The following ATP6V0A4 variants were observed in gnomAD, a reference collection of about 807,000 sequenced individuals.
ATP6V0A4 encodes the protein V-type proton ATPase 116 kDa subunit a 4.
Under a neutral mutation model 107.3 loss-of-function variants are expected in ATP6V0A4, and 86 were observed. The observed-to-expected ratio is 0.80, with a 90% CI of 0.67 to 0.96. The LOEUF (loss-of-function observed/expected upper bound fraction) is 0.96. Ranked by LOEUF, ATP6V0A4 falls within the 40% of genes least tolerant of loss-of-function variation. The pLI, the probability that ATP6V0A4 is intolerant of heterozygous loss-of-function variation, is 0.00. For synonymous variants in ATP6V0A4, 353 were observed against 381.4 expected, an observed-to-expected ratio of 0.93 and a Z score of 0.87; for missense variants, 908 against 1,045.6, an observed-to-expected ratio of 0.87 and a Z score of 1.81.
At chr7:138,761,606 G>A (rs1370364245) in intron 7 of ATP6V0A4, among the ~76,000 whole-genome samples, 1 of 149,448 alleles carries the variant, frequency 6.7e-6, no homozygotes, top group Non-Finnish European at 1.5e-5. Context: ...ACTCCAGCCT[G>A]GACGACAGAG....
At chr7:138,730,931 C>CTTTTTTTTTTTTTTTTTTTT (rs66521953) in intron 17 of ATP6V0A4, among the ~76,000 whole-genome samples, 1 of 123,758 alleles carries the variant, frequency 8.1e-6, no homozygotes, top group Non-Finnish European at 1.6e-5. Context: ...TCTTCTTCTT[C>CTTTTTTTTTTTTTTTTTTTT]TTTTTTTATT....
intron 13 of ATP6V0A4, among the ~76,000 whole-genome samples, chr7:138,745,826 C>T (rs567580864): frequency 6.8e-6 from 1 of 146,102 alleles, no homozygotes; most frequent in Non-Finnish European, 1.5e-5. Flanking sequence ...GCACGTTAGT[C>T]GCAGTTACTC....
chr7:138,786,319 T>C (rs1001001057), intron 1 of ATP6V0A4, 59 bp from the exon 2 acceptor site: 1 of 152,294 alleles, frequency 6.6e-6, no homozygotes, highest in Non-Finnish European at 1.5e-5. Flanking sequence ...CAATGGCTCA[T>C]GCCTATAATC....
At chr7:138,731,565 T>A (rs142522205) in intron 17 of ATP6V0A4, among the ~76,000 whole-genome samples, 83 of 152,284 alleles carry the variant, frequency 5.5e-4, no homozygotes, top group Admixed American at 1.4e-3. Context: ...GTTATTTTTA[T>A]ATCCAGCCCC....
At chr7:138,739,831 A>G in intron 14 of ATP6V0A4, 198 bp from the exon 15 acceptor site, 1 of 498,020 alleles carries the variant, frequency 2.0e-6, no homozygotes. Flanking sequence ...AAGAGATCTC[A>G]GCCTGATGTG....
intron 7 of ATP6V0A4, among the ~76,000 whole-genome samples, chr7:138,761,771 C>T (rs1156502855): frequency 6.6e-6 from 1 of 152,168 alleles, no homozygotes; most frequent in African/African-American, 2.4e-5. Flanking sequence ...CCTCTACCTC[C>T]AGGGTTCAAG....
intron 4 of ATP6V0A4, 82 bp downstream of exon 4, chr7:138,769,091 G>T: frequency 1.3e-6 from 2 of 1,588,408 alleles, no homozygotes; most frequent in Non-Finnish European, 8.5e-7. Context: ...GGACACATTT[G>T]TTCATTAAGT....
At chr7:138,728,897 C>T (rs1249393292) in intron 17 of ATP6V0A4, 35 bp from the exon 18 acceptor site, 3 of 1,613,574 alleles carry the variant, frequency 1.9e-6, no homozygotes, top group Non-Finnish European at 2.5e-6. Flanking sequence ...TCATCATTTT[C>T]ACATGGCAGA....
At chr7:138,724,155 A>G (rs1804583611) in intron 18 of ATP6V0A4, among the ~76,000 whole-genome samples, 1 of 142,856 alleles carries the variant, frequency 7.0e-6, no homozygotes, top group Non-Finnish European at 1.5e-5. Flanking sequence ...GCGCCACTGC[A>G]CTCCAGCCTG....
intron 21 of ATP6V0A4, among the ~76,000 whole-genome samples, chr7:138,709,110 G>C (rs542560367): frequency 6.6e-6 from 1 of 151,378 alleles, no homozygotes; most frequent in South Asian, 2.1e-4. Flanking sequence ...TCAGGAGGCT[G>C]AGGCAGGAGA....
At chr7:138,726,618 G>A (rs560086187) in intron 18 of ATP6V0A4, among the ~76,000 whole-genome samples, 4 of 152,322 alleles carry the variant, frequency 2.6e-5, no homozygotes. Flanking sequence ...TAGGTCTGTA[G>A]GATTTCATGA....
intron 19 of ATP6V0A4, among the ~76,000 whole-genome samples, chr7:138,721,622 C>A (rs975654378): frequency 5.3e-5 from 8 of 152,164 alleles, no homozygotes; most frequent in African/African-American, 1.9e-4. Flanking sequence ...GTCACTAGAT[C>A]CGAGGCTGAT....
At chr7:138,784,530 G>C (rs978687452) in intron 2 of ATP6V0A4, among the ~76,000 whole-genome samples, 7 of 151,652 alleles carry the variant, frequency 4.6e-5, no homozygotes, top group Non-Finnish European at 5.9e-5. Flanking sequence ...GTGTTAGCCA[G>C]GGTGGTCTCG....
In ATP6V0A4 at chr7:138,722,997, G is replaced by T. The variant is rs188953446; in HGVS notation, c.2011-972C>A. On this transcript the variant is annotated intron_variant, in intron 18 of 21. Coordinates refer to ENST00000310018, the MANE Select transcript of ATP6V0A4 (RefSeq NM_020632.3). ...TGCTTGAATCTGGGAGGCAGAGGTT[G>T]CAGTGAGCCAAGATTGTGCCACTGC... Among the ~76,000 whole-genome samples, 77 of 148,544 alleles carry T rather than the reference G, an allele frequency of 5.2e-4. 1 individual carries two copies. Among genetic ancestry groups the T allele is most frequent in the Middle Eastern group, 3.5e-3 (1 of 284 alleles).
intron 18 of ATP6V0A4, among the ~76,000 whole-genome samples, chr7:138,727,157 G>A (rs1804766479): frequency 1.3e-5 from 2 of 150,880 alleles, no homozygotes. Flanking sequence ...AGGCAGGGGG[G>A]CATGCCTGTT....
chr7:138,744,375 T>C (rs1341695276), intron 14 of ATP6V0A4, among the ~76,000 whole-genome samples: 2 of 151,734 alleles, frequency 1.3e-5, no homozygotes, highest in East Asian at 3.9e-4. Context: ...GTAGCTGGGA[T>C]TACAGGCATG....
At chr7:138,792,246 C>T (rs1808452018) in intron 1 of ATP6V0A4, among the ~76,000 whole-genome samples, 2 of 152,154 alleles carry the variant, frequency 1.3e-5, no homozygotes, top group Admixed American at 1.3e-4. Flanking sequence ...AGGCAGCTTG[C>T]AGTGAGCCGA....
At chr7:138,743,046 CAAG>C (rs1805713361) in intron 14 of ATP6V0A4, among the ~76,000 whole-genome samples, 5 of 152,044 alleles carry the variant, frequency 3.3e-5, no homozygotes, top group Admixed American at 3.3e-4. Context: ...AGCAGAGAAA[CAAG>C]AAGAGACTGC....
At chr7:138,737,127 T>TATATATATATATATATATATATATATATA (rs1365519910) in intron 15 of ATP6V0A4, among the ~76,000 whole-genome samples, 44 of 131,472 alleles carry the variant, frequency 3.3e-4, no homozygotes, top group African/African-American at 1.2e-3. Flanking sequence ...TATATATATA[T>TATATATATATATATATATATATATATATA]GATACAAACT....
Sources: gnomAD v4.1 joint callset for allele counts (sites outside exome capture counted in the v4.1 genomes callset) on GRCh38, gnomAD v4.1.1 for gene constraint, MANE v1.5 for transcripts, NCBI Gene and HGNC (gene_info 2026-07-23, HGNC 2026-07-21) for gene names.